Variants in STIM1 observed in about 807,000 individuals in gnomAD.
STIM1 encodes stromal interaction molecule 1.
STIM1 carries 25 observed loss-of-function variants against 74.7 expected under a neutral mutation model. The ratio of observed to expected loss-of-function variants is 0.33; its 90% CI spans 0.24 to 0.47. The LOEUF (loss-of-function observed/expected upper bound fraction) is 0.47, where lower values mean the gene tolerates loss of function less well. STIM1 is among the 20% of genes least tolerant of loss of function. STIM1 has a pLI of 1.00. For missense variants in STIM1, 728 were observed against 920.8 expected, an observed-to-expected ratio of 0.79 and a Z score of 2.71; for synonymous variants, 328 against 348.8, an observed-to-expected ratio of 0.94 and a Z score of 0.66.
intron 3 of STIM1, among the ~76,000 whole-genome samples, chr11:4,033,199 T>C (rs1047244232): frequency 1.3e-5 from 2 of 152,046 alleles, no homozygotes; most frequent in African/African-American, 4.8e-5. Flanking sequence ...AGGGCTCTGT[T>C]CTGTTCCATT....
intron 1 of STIM1, among the ~76,000 whole-genome samples, chr11:3,953,648 C>A (rs2093175931): frequency 6.6e-6 from 1 of 152,198 alleles, no homozygotes; most frequent in Admixed American, 6.5e-5. Context: ...AGAGCAACGG[C>A]CTTTGAGGCC....
At chr11:3,867,999 T>C (rs2090928179) in intron 1 of STIM1, 1 of 152,122 alleles carries the variant, frequency 6.6e-6, no homozygotes, top group South Asian at 2.1e-4. Context: ...GTCACTACAG[T>C]GTATGTTCGA....
intron 1 of STIM1, among the ~76,000 whole-genome samples, chr11:3,896,524 T>C (rs2092181656): frequency 6.6e-6 from 1 of 152,230 alleles, no homozygotes; most frequent in South Asian, 2.1e-4. Context: ...GAGCTGCCGA[T>C]GCAACACTAG....
intron 1 of STIM1, among the ~76,000 whole-genome samples, chr11:3,963,299 T>C (rs2093307387): frequency 1.3e-5 from 2 of 152,200 alleles, no homozygotes; most frequent in African/African-American, 4.8e-5. Context: ...CCATGTGTTC[T>C]CATCATTTAG....
chr11:3,977,705 T>C (rs1270845279), intron 2 of STIM1, among the ~76,000 whole-genome samples: 1 of 152,252 alleles, frequency 6.6e-6, no homozygotes, highest in Non-Finnish European at 1.5e-5. Context: ...AACTTGGCTT[T>C]GCCACTTACT....
chr11:3,906,027 T>C (rs960348085), intron 1 of STIM1, among the ~76,000 whole-genome samples: 2 of 152,208 alleles, frequency 1.3e-5, no homozygotes, highest in African/African-American at 2.4e-5. Flanking sequence ...TTTTACTCTA[T>C]TTTTCTGCAT....
chr11:3,912,667 A>G (rs1325494126), intron 1 of STIM1, among the ~76,000 whole-genome samples: 1 of 152,190 alleles, frequency 6.6e-6, no homozygotes, highest in Non-Finnish European at 1.5e-5. Context: ...TGTGCAGCCA[A>G]ATCATTTGTT....
intron 2 of STIM1, among the ~76,000 whole-genome samples, chr11:3,999,093 C>T (rs543739940): frequency 2.0e-5 from 3 of 152,212 alleles, no homozygotes; most frequent in Non-Finnish European, 4.4e-5. Flanking sequence ...TGCCTGCAAT[C>T]CCATCACTTT....
intron 2 of STIM1, among the ~76,000 whole-genome samples, chr11:3,978,235 G>A (rs549275505): frequency 2.0e-5 from 3 of 148,936 alleles, no homozygotes; most frequent in East Asian, 4.0e-4. Context: ...CGCAACCTCC[G>A]CCTCCCAGGT....
At chr11:3,916,368 A>AC (rs1418811149) in intron 1 of STIM1, among the ~76,000 whole-genome samples, 1 of 151,062 alleles carries the variant, frequency 6.6e-6, no homozygotes, top group East Asian at 1.9e-4. Flanking sequence ...CTCACTGCCA[A>AC]CCTCTGCCAC....
chr11:3,995,084 AT>A lies in STIM1; in HGVS notation c.270+27415del, dbSNP rs35397348. Among the ~76,000 whole-genome samples, 237 of 150,086 alleles carry A rather than the reference AT, an allele frequency of 1.6e-3. 1 individual carries two copies. The highest frequency in any genetic ancestry group is 3.1e-3 in the East Asian group (16 of 5,128). ...TTCCTTTACCTCTTTAAAAATCATG[AT>A]TTTTTTTTTTTTAATCTTTGGACAT... On this transcript the variant is annotated intron_variant, in intron 2 of 12. Transcript: ENST00000526596.
Position 4,046,589 on chromosome 11 carries a change from C to T in STIM1, c.386-8937C>T, listed in dbSNP as rs1395177294. 2.0e-5 allele frequency among the ~76,000 whole-genome samples: 3 copies of T among 152,194 alleles called. No homozygotes were observed. In the East Asian group the frequency reaches 5.8e-4, roughly 29 times the overall value. On this transcript the variant is annotated intron_variant, in intron 3 of 12. Transcript: ENST00000526596. Reference sequence around the variant, plus strand: ...TTCAACTTTATTTTATTCAGGATGTCTCCCTGATTATCTGCTTTGCATCAC... The same window carrying T: ...TTCAACTTTATTTTATTCAGGATGTTTCCCTGATTATCTGCTTTGCATCAC...
intron 1 of STIM1, among the ~76,000 whole-genome samples, chr11:3,914,245 G>A (rs2092609153): frequency 6.6e-6 from 1 of 151,630 alleles, no homozygotes; most frequent in Non-Finnish European, 1.5e-5. Flanking sequence ...TTTACGTCTT[G>A]CTTATTTCAC....
chr11:3,955,140 A>G (rs2093195562), intron 1 of STIM1, among the ~76,000 whole-genome samples: 2 of 152,234 alleles, frequency 1.3e-5, no homozygotes, highest in Non-Finnish European at 1.5e-5. Flanking sequence ...CATACTGATG[A>G]TTCCATTTAA....
At chr11:3,996,069 GTA>G (rs2093661051) in intron 2 of STIM1, among the ~76,000 whole-genome samples, 1 of 152,084 alleles carries the variant, frequency 6.6e-6, no homozygotes, top group Non-Finnish European at 1.5e-5. Context: ...TCTTTTGAGA[GTA>G]CCCTACCCTT....
At chr11:4,037,431 A>G (rs930186337) in intron 3 of STIM1, among the ~76,000 whole-genome samples, 3 of 152,148 alleles carry the variant, frequency 2.0e-5, no homozygotes, top group African/African-American at 7.2e-5. Flanking sequence ...TTTTCCTTGT[A>G]GTTTCTGGTT....
intron 2 of STIM1, among the ~76,000 whole-genome samples, chr11:3,972,544 C>T (rs1257008457): frequency 1.3e-5 from 2 of 152,138 alleles, no homozygotes; most frequent in Non-Finnish European, 2.9e-5. Flanking sequence ...AAAAAATTAT[C>T]TACACTAAAA....
intron 1 of STIM1, among the ~76,000 whole-genome samples, chr11:3,917,435 G>GT (rs558911615): frequency 0.024 from 3,180 of 133,260 alleles, 78 homozygotes; most frequent in African/African-American, 0.061. Context: ...CAGGGTTTCT[G>GT]TTTTTTTTTT....
intron 2 of STIM1, among the ~76,000 whole-genome samples, chr11:3,970,397 TAAG>T (rs1457182255): frequency 2.0e-5 from 3 of 152,128 alleles, no homozygotes; most frequent in Non-Finnish European, 4.4e-5. Flanking sequence ...TGTGTGTGCC[TAAG>T]TCACTTCAAA....
Sources: allele counts gnomAD v4.1 joint callset (sites outside exome capture counted in the v4.1 genomes callset), GRCh38; gene constraint gnomAD v4.1.1; transcripts MANE v1.5; gene names NCBI Gene and HGNC (gene_info 2026-07-23, HGNC 2026-07-21).